The following SAMMSON variants were observed in gnomAD, a reference collection of about 807,000 sequenced individuals.
The protein encoded by SAMMSON is survival associated mitochondrial melanoma specific oncogenic non-coding RNA, also known as long intergenic non-protein coding RNA 1212.
At chr3:70,208,292 G>A (rs567548760) in intron 4 of SAMMSON, among the ~76,000 whole-genome samples, 1 of 152,120 alleles carries the variant, frequency 6.6e-6, no homozygotes, top group Admixed American at 6.5e-5. Context: ...TACTGAAATT[G>A]ATAATACAAT....
At chr3:70,066,418 T>A (rs1313092807) in intron 3 of SAMMSON, among the ~76,000 whole-genome samples, 2 of 152,056 alleles carry the variant, frequency 1.3e-5, no homozygotes, top group African/African-American at 4.8e-5. Flanking sequence ...CTTTTTCTTA[T>A]AGGAAGAATG....
chr3:70,414,302 A>G (rs1055143700), intron 2 of SAMMSON, among the ~76,000 whole-genome samples: 24 of 152,174 alleles, frequency 1.6e-4, no homozygotes, highest in African/African-American at 4.8e-4. Context: ...ATATTCATAA[A>G]GCTTAAAATA....
chr3:70,306,632 A>G (rs1702403602), intron 7 of SAMMSON, among the ~76,000 whole-genome samples: 1 of 151,954 alleles, frequency 6.6e-6, no homozygotes, highest in Non-Finnish European at 1.5e-5. Flanking sequence ...ATTTGGGTAC[A>G]ACACAATTTA....
At chr3:70,317,905 T>C (rs1325674294) in intron 7 of SAMMSON, among the ~76,000 whole-genome samples, 1 of 151,906 alleles carries the variant, frequency 6.6e-6, no homozygotes, top group African/African-American at 2.4e-5. Flanking sequence ...CTGTGAAGGA[T>C]ATTTATGCTG....
chr3:70,266,028 CA>C (rs1399736785), intron 6 of SAMMSON, among the ~76,000 whole-genome samples: 97 of 152,208 alleles, frequency 6.4e-4, no homozygotes, highest in African/African-American at 2.3e-3. Context: ...ATCATATCAC[CA>C]AAAAAGTTTG....
Position 70,384,199 on chromosome 3 carries a change from G to T in SAMMSON, n.914-5375G>T, listed in dbSNP as rs141789685. Reference sequence around the variant, plus strand: ...CTGCTGATTTAATCAATCCTTTTCAGTTAAAAAATATAAATTGGAGTGTAA... The same window carrying T: ...CTGCTGATTTAATCAATCCTTTTCATTTAAAAAATATAAATTGGAGTGTAA... On this transcript the variant is annotated intron_variant and non_coding_transcript_variant, in intron 9 of 9. Transcript: ENST00000642114. Among the ~76,000 whole-genome samples the T allele has an allele frequency of 2.6e-5, 4 of 152,006 alleles. No individual in the cohort carries two copies. In the East Asian group the frequency reaches 7.7e-4, roughly 29 times the overall value.
intron 2 of SAMMSON, among the ~76,000 whole-genome samples, chr3:70,411,870 T>C (rs913214957): frequency 3.8e-4 from 58 of 152,210 alleles, no homozygotes; most frequent in African/African-American, 1.3e-3. Context: ...TATTTCTTCA[T>C]AGGAGTATGA....
chr3:70,298,357 C>G (rs1467308778), intron 7 of SAMMSON, among the ~76,000 whole-genome samples: 1 of 152,050 alleles, frequency 6.6e-6, no homozygotes, highest in Non-Finnish European at 1.5e-5. Flanking sequence ...CTCTCCTCCA[C>G]CAGCCATGTT....
intron 3 of SAMMSON, among the ~76,000 whole-genome samples, chr3:70,055,589 C>T (rs2067164015): frequency 1.3e-5 from 2 of 152,056 alleles, no homozygotes; most frequent in South Asian, 4.1e-4. Flanking sequence ...ATTATTCTCT[C>T]CTTATATAAA....
intron 4 of SAMMSON, among the ~76,000 whole-genome samples, chr3:70,191,374 C>T (rs1701130599): frequency 6.6e-6 from 1 of 152,168 alleles, no homozygotes; most frequent in South Asian, 2.1e-4. Flanking sequence ...AATTCATGCT[C>T]CTAGAACCCT....
At chr3:70,262,750 T>C (rs1278296517) in intron 6 of SAMMSON, among the ~76,000 whole-genome samples, 1 of 152,166 alleles carries the variant, frequency 6.6e-6, no homozygotes, top group East Asian at 1.9e-4. Flanking sequence ...ATAGTTTTCA[T>C]CAAATTTGGA....
At chr3:70,250,762 A>C (rs1290694190) in intron 6 of SAMMSON, among the ~76,000 whole-genome samples, 1 of 152,188 alleles carries the variant, frequency 6.6e-6, no homozygotes, top group African/African-American at 2.4e-5. Context: ...GGGACTAAGA[A>C]AATATTGTGT....
At chr3:70,426,842 C>A (rs1049800404) in intron 2 of SAMMSON, among the ~76,000 whole-genome samples, 1 of 152,168 alleles carries the variant, frequency 6.6e-6, no homozygotes, top group Non-Finnish European at 1.5e-5. Context: ...AAAGTTGAAC[C>A]TGCCTAGCAT....
intron 3 of SAMMSON, among the ~76,000 whole-genome samples, chr3:70,049,397 A>C (rs2067138398): frequency 6.6e-6 from 1 of 152,192 alleles, no homozygotes; most frequent in African/African-American, 2.4e-5. Context: ...ACTTACTGGC[A>C]AGATATGTGG....
chr3:70,035,095 C>G (rs1323335721), intron 3 of SAMMSON, among the ~76,000 whole-genome samples: 1 of 152,024 alleles, frequency 6.6e-6, no homozygotes, highest in Non-Finnish European at 1.5e-5. Context: ...TGGGATTTTA[C>G]CTGGAAATTA....
intron 7 of SAMMSON, among the ~76,000 whole-genome samples, chr3:70,295,147 G>T (rs1702277363): frequency 6.6e-6 from 1 of 152,150 alleles, no homozygotes; most frequent in African/African-American, 2.4e-5. Flanking sequence ...GGGTGATGGA[G>T]TCACCCTGGA....
chr3:70,197,104 GTTTC>G, intron 4 of SAMMSON: 1 of 398,440 alleles, frequency 2.5e-6, no homozygotes, highest in African/African-American at 2.1e-5. Flanking sequence ...GGTACACACC[GTTTC>G]GCAGGTGCCG....
chr3:70,208,751 C>G (rs1371670034), intron 4 of SAMMSON, among the ~76,000 whole-genome samples: 1 of 152,052 alleles, frequency 6.6e-6, no homozygotes, highest in Non-Finnish European at 1.5e-5. Flanking sequence ...CTAACTGGCA[C>G]CAGAACTATC....
chr3:70,049,249 T>G (rs1047774023), intron 3 of SAMMSON, among the ~76,000 whole-genome samples: 1 of 152,144 alleles, frequency 6.6e-6, no homozygotes, highest in African/African-American at 2.4e-5. Flanking sequence ...TAGAGGTCTG[T>G]GCATATGATG....
Sources: allele counts gnomAD v4.1 joint callset (sites outside exome capture counted in the v4.1 genomes callset), GRCh38; gene constraint gnomAD v4.1.1; transcripts MANE v1.5; gene names NCBI Gene and HGNC (gene_info 2026-07-23, HGNC 2026-07-21).